GALNTL6: variants seen among roughly 807,000 people sequenced by gnomAD.
GALNTL6 encodes polypeptide N-acetylgalactosaminyltransferase-like 6.
GALNTL6 carries 46 observed loss-of-function variants against 73.7 expected under a neutral mutation model. The ratio of observed to expected loss-of-function variants is 0.62; its 90% CI spans 0.49 to 0.80. The LOEUF (loss-of-function observed/expected upper bound fraction) is 0.80, where lower values mean the gene tolerates loss of function less well. Ranked by LOEUF, GALNTL6 falls within the 30% of genes least tolerant of loss-of-function variation. The pLI is 0.00. For missense variants in GALNTL6, 604 were observed against 755.0 expected (o/e 0.80, Z 2.34); for synonymous variants, 259 against 263.7 (o/e 0.98, Z 0.17).
At chr4:172,443,205 C>T (rs369836076) in intron 5 of GALNTL6, among the ~76,000 whole-genome samples, 1 of 136,308 alleles carries the variant, frequency 7.3e-6, no homozygotes, top group Admixed American at 8.0e-5. Context: ...CACTCTTGTC[C>T]CCCAGGCTGG....
chr4:172,925,935 G>A (rs1748035764), intron 8 of GALNTL6, among the ~76,000 whole-genome samples: 1 of 152,312 alleles, frequency 6.6e-6, no homozygotes, highest in Non-Finnish European at 1.5e-5. Context: ...AGAATAATTA[G>A]TTGAAATTTT....
At chr4:172,873,761 G>C (rs766530888) in intron 7 of GALNTL6, among the ~76,000 whole-genome samples, 1 of 152,012 alleles carries the variant, frequency 6.6e-6, no homozygotes, top group Non-Finnish European at 1.5e-5. Flanking sequence ...TTTTTTTGTT[G>C]TTGTTTTGTT....
intron 2 of GALNTL6, among the ~76,000 whole-genome samples, chr4:171,911,803 TA>T (rs1223341765): frequency 6.6e-6 from 1 of 152,202 alleles, no homozygotes; most frequent in African/African-American, 2.4e-5. Context: ...TGGATAATAT[TA>T]AATGGTGTAT....
rs73867603 is a variant in GALNTL6, at chr4:172,042,656, A to T, written c.139-187000A>T. ...TTATCTGGAAAAATCTGCTTTTTTTAAAAAAAATATACAAAACAACTCAAA... is the reference window on the plus strand; with the variant it reads ...TTATCTGGAAAAATCTGCTTTTTTTTAAAAAAATATACAAAACAACTCAAA... On this transcript the variant is annotated intron_variant, in intron 2 of 12. Transcript: ENST00000506823. Among the ~76,000 whole-genome samples the T allele has an allele frequency of 6.9e-3, 1,038 of 150,836 alleles. 9 individuals carry two copies. Among genetic ancestry groups the T allele is most frequent in the African/African-American group, 0.024 (972 of 40,866 alleles).
chr4:171,979,179 G>T (rs1739814524), intron 2 of GALNTL6, among the ~76,000 whole-genome samples: 1 of 152,052 alleles, frequency 6.6e-6, no homozygotes, highest in South Asian at 2.1e-4. Flanking sequence ...CCAGAGCAAT[G>T]GACATTACAG....
intron 10 of GALNTL6, among the ~76,000 whole-genome samples, chr4:172,992,132 G>A (rs1403586079): frequency 1.3e-5 from 2 of 152,168 alleles, no homozygotes; most frequent in African/African-American, 4.8e-5. Flanking sequence ...TTAAGCATAA[G>A]CAATTTTAGT....
At chr4:172,229,116 G>A (rs907632861) in intron 2 of GALNTL6, among the ~76,000 whole-genome samples, 1 of 152,068 alleles carries the variant, frequency 6.6e-6, no homozygotes, top group African/African-American at 2.4e-5. Flanking sequence ...CAGTTTACTC[G>A]GCAGAAAAAT....
chr4:172,380,117 T>C (rs1294094557), intron 5 of GALNTL6: 19 of 1,005,910 alleles, frequency 1.9e-5, no homozygotes, highest in Non-Finnish European at 3.0e-5. Flanking sequence ...CTCCTCTGCA[T>C]CATTTGCTAA....
At chr4:172,616,564 T>TC (rs1357246130) in intron 5 of GALNTL6, among the ~76,000 whole-genome samples, 2 of 151,680 alleles carry the variant, frequency 1.3e-5, no homozygotes, top group African/African-American at 4.9e-5. Context: ...AGTTTTTTTT[T>TC]CCTGTTGTTC....
intron 5 of GALNTL6, among the ~76,000 whole-genome samples, chr4:172,698,422 T>TTG (rs1341794017): frequency 4.2e-4 from 64 of 152,134 alleles, no homozygotes; most frequent in Admixed American, 7.2e-4. Context: ...TTCCTTCCGC[T>TTG]GAGATCCCAT....
At chr4:171,915,393 G>A (rs186108692) in intron 2 of GALNTL6, among the ~76,000 whole-genome samples, 2 of 152,020 alleles carry the variant, frequency 1.3e-5, no homozygotes, top group Admixed American at 6.6e-5. Flanking sequence ...CTGTACGTAG[G>A]GGCTGAATGC....
chr4:172,565,371 C>A (rs544326971), intron 5 of GALNTL6, among the ~76,000 whole-genome samples: 1 of 152,124 alleles, frequency 6.6e-6, no homozygotes, highest in South Asian at 2.1e-4. Context: ...GATTTTTATC[C>A]TTCATTCTGT....
chr4:172,670,511 G>A (rs572922313), intron 5 of GALNTL6, among the ~76,000 whole-genome samples: 17 of 151,828 alleles, frequency 1.1e-4, no homozygotes, highest in African/African-American at 4.1e-4. Flanking sequence ...TTTTTTTCCT[G>A]TAAATTTGTT....
intron 5 of GALNTL6, among the ~76,000 whole-genome samples, chr4:172,690,968 A>G (rs921618382): frequency 2.0e-5 from 3 of 152,214 alleles, no homozygotes; most frequent in Admixed American, 2.0e-4. Context: ...GAGAGATGAG[A>G]TCAAAGGCAC....
At chr4:172,376,535 C>A (rs1235176520) in intron 5 of GALNTL6, among the ~76,000 whole-genome samples, 1 of 152,168 alleles carries the variant, frequency 6.6e-6, no homozygotes. Flanking sequence ...GTTAGACAGC[C>A]CTTTCTCAGA....
At chr4:172,468,587 T>C (rs1732926603) in intron 5 of GALNTL6, among the ~76,000 whole-genome samples, 1 of 152,238 alleles carries the variant, frequency 6.6e-6, no homozygotes, top group Non-Finnish European at 1.5e-5. Context: ...CTATTTGATC[T>C]ATTTATATAT....
At chr4:171,855,773 G>A (rs151260415) in intron 2 of GALNTL6, among the ~76,000 whole-genome samples, 219 of 152,266 alleles carry the variant, frequency 1.4e-3, no homozygotes, top group Admixed American at 8.6e-3. Context: ...GGCATTTGGT[G>A]TTTGTCAGTG....
chr4:172,883,571 G>A (rs569215875), intron 8 of GALNTL6, among the ~76,000 whole-genome samples: 11 of 152,248 alleles, frequency 7.2e-5, no homozygotes, highest in African/African-American at 1.2e-4. Context: ...AGGGGATGGC[G>A]CTAAGCCTAA....
At chr4:172,106,905 C>T (rs979135121) in intron 2 of GALNTL6, among the ~76,000 whole-genome samples, 1 of 152,198 alleles carries the variant, frequency 6.6e-6, no homozygotes, top group African/African-American at 2.4e-5. Flanking sequence ...TGGAGTTTCA[C>T]TCTTGTTGCC....
Sources: allele counts gnomAD v4.1 joint callset (sites outside exome capture counted in the v4.1 genomes callset), GRCh38; gene constraint gnomAD v4.1.1; transcripts MANE v1.5; gene names NCBI Gene and HGNC (gene_info 2026-07-23, HGNC 2026-07-21).